OPTN: variants seen among roughly 807,000 people sequenced by gnomAD.
OPTN encodes optineurin.
OPTN carries 54 observed loss-of-function variants against 70.4 expected under a neutral mutation model. The ratio of observed to expected loss-of-function variants is 0.77; its 90% confidence interval spans 0.62 to 0.96. OPTN has a LOEUF of 0.96. Among genes scored for constraint, OPTN ranks in the 40% least tolerant of loss-of-function variants. The pLI, the probability that OPTN is intolerant of heterozygous loss-of-function variation, is 0.00. For missense variants in OPTN, 624 were observed against 673.2 expected (o/e 0.93, Z 0.81); for synonymous variants, 256 against 248.5 (o/e 1.03, Z -0.28).
chr10:13,115,221 TTA>T lies in OPTN; in HGVS notation c.553-1039_553-1038del, dbSNP rs1425535105. On this transcript the variant is annotated intron_variant, in intron 5 of 14. Transcript: ENST00000378747. The stretch of plus-strand genomic sequence containing the variant: ...GATATATCTATATTTATATATATAT[TTA>T]TATATAGATATATCTATATATATCT... Among the ~76,000 whole-genome samples, 3 of 37,176 alleles carry T rather than the reference TTA, an allele frequency of 8.1e-5. No individual in the cohort carries two copies. The South Asian group carries it at 3.1e-3, about 38-fold the overall frequency. The allele number at this position is 37,176 out of a possible 152,430, so 24.4% of individuals were successfully genotyped here.
intron 1 of OPTN, among the ~76,000 whole-genome samples, chr10:13,105,678 A>T (rs1193886096): frequency 6.6e-6 from 1 of 152,096 alleles, no homozygotes; most frequent in Non-Finnish European, 1.5e-5. Context: ...GGAGGCTGAG[A>T]TGGGTGGATC....
chr10:13,133,518 A>T lies in OPTN; in HGVS notation c.1549A>T (p.Met517Leu). 6.2e-7 allele frequency: 1 copy of T among 1,614,084 alleles called. No homozygotes were observed. The highest frequency in any genetic ancestry group is 8.5e-7 in the Non-Finnish European group (1 of 1,180,002). The change falls in exon 14 of 15, where the codon ATG (methionine) becomes TTG (leucine). Residue 517 changes from methionine (M) to leucine (L), a missense_variant. Transcript: ENST00000378747. ...EDGGRQSLME[M>L]QSRHGARTSD... ...TCCTGGCAGGCAGTCCTTGATGGAG[A>T]TGCAGAGTCGTCATGGGGCGAGAAC... is the stretch of plus-strand genomic sequence containing the variant.
intron 12 of OPTN, among the ~76,000 whole-genome samples, chr10:13,128,626 T>A (rs1833525736): frequency 6.8e-6 from 1 of 147,408 alleles, no homozygotes; most frequent in Non-Finnish European, 1.5e-5. Context: ...CATTGCAACC[T>A]CTGCCTCCTG....
chr10:13,125,600 G>A (rs1178058829), intron 10 of OPTN, 33 bp downstream of exon 10: 3 of 1,612,498 alleles, frequency 1.9e-6, no homozygotes, highest in East Asian at 2.2e-5. Context: ...GCAGCGACGG[G>A]GCAGAGGAGG....
chr10:13,133,376 G>C (rs1833632115), intron 13 of OPTN, 126 bp from the exon 14 acceptor site: 3 of 783,192 alleles, frequency 3.8e-6, no homozygotes. Context: ...AATTAGTCTG[G>C]TTTTTATGAA....
At chr10:13,102,922 G>T (rs1165825927) in intron 1 of OPTN, among the ~76,000 whole-genome samples, 1 of 150,568 alleles carries the variant, frequency 6.6e-6, no homozygotes, top group East Asian at 2.0e-4. Flanking sequence ...TAGCCTGGGC[G>T]ACAGAGTGAG....
intron 12 of OPTN, among the ~76,000 whole-genome samples, chr10:13,130,051 C>T (rs1273555190): frequency 6.6e-6 from 1 of 152,196 alleles, no homozygotes; most frequent in African/African-American, 2.4e-5. Context: ...TATTTTTGCT[C>T]ATTCTAGACA....
At chr10:13,124,173 A>C in intron 9 of OPTN, 63 bp downstream of exon 9, 1 of 895,560 alleles carries the variant, frequency 1.1e-6, no homozygotes, top group Non-Finnish European at 1.8e-6. Context: ...GTATACTACT[A>C]TATAAAAACA....
At chr10:13,103,314 A>G (rs934167630) in intron 1 of OPTN, among the ~76,000 whole-genome samples, 1 of 152,202 alleles carries the variant, frequency 6.6e-6, no homozygotes, top group Admixed American at 6.5e-5. Flanking sequence ...GCAAGTTTTC[A>G]CTGTTTAAAA....
chr10:13,116,505 G>A (rs759975595), intron 6 of OPTN, 165 bp downstream of exon 6: 109 of 683,422 alleles, frequency 1.6e-4, no homozygotes, highest in Middle Eastern at 3.2e-4. Context: ...TAATGTTGCA[G>A]CTCAAACTGG....
At position 13,137,237 on chromosome 10, in the gene OPTN, C is replaced by T. The variant is rs1833719267; in HGVS notation, c.*371C>T. ...GCAGTTGCAGTGAGCCGAGACGACACCACTGCACTCCAGCCTGGGTGACAG... is the reference window on the plus strand; with the variant it reads ...GCAGTTGCAGTGAGCCGAGACGACATCACTGCACTCCAGCCTGGGTGACAG... On this transcript the variant is annotated 3_prime_UTR_variant, in exon 15 of 15. Transcript: ENST00000378747. 7.2e-5 allele frequency: 28 copies of T among 387,014 alleles called. No homozygotes were observed. The South Asian group carries it at 7.4e-4, about 10-fold the overall frequency. The allele number at this position is 387,014 out of a possible 1,614,324, so 24.0% of individuals were successfully genotyped here.
chr10:13,100,609 G>C (rs1832719954), intron 1 of OPTN, among the ~76,000 whole-genome samples: 1 of 152,198 alleles, frequency 6.6e-6, no homozygotes, highest in South Asian at 2.1e-4. Flanking sequence ...AGACTTGGAG[G>C]TGACGTCCTC....
intron 1 of OPTN, among the ~76,000 whole-genome samples, chr10:13,103,814 T>TG (rs893014554): frequency 6.6e-6 from 1 of 151,980 alleles, no homozygotes; most frequent in African/African-American, 2.4e-5. Context: ...CTAGGGGACT[T>TG]GCTTTTGGCC....
rs996322362 is a variant in OPTN at position 13,112,736 on chromosome 10, GA to G, written c.552+102del. ...TTCTTGTCAACACAAGCCAAGGATT[GA>G]GGAAATTCCAGTGTAGCAAAGATAA... is the stretch of plus-strand genomic sequence containing the variant. On this transcript the variant is annotated intron_variant, in intron 5 of 14. Transcript: ENST00000378747. 1.7e-5 allele frequency: 20 copies of G among 1,188,120 alleles called. No homozygotes were observed. The Admixed American group carries it at 3.5e-4, about 21-fold the overall frequency. 73.6% of individuals were successfully genotyped at this position (1,188,120 alleles called of 1,614,324 possible).
At chr10:13,117,926 C>G (rs1352231509) in intron 6 of OPTN, among the ~76,000 whole-genome samples, 1 of 152,132 alleles carries the variant, frequency 6.6e-6, no homozygotes, top group Admixed American at 6.5e-5. Context: ...GAAAGTAATT[C>G]CCTTTTTTGG....
At position 13,108,244 on chromosome 10, in the gene OPTN, A is replaced by C. The variant is rs2131478524; in HGVS notation, c.-57A>C. Reference sequence around the variant, plus strand: ...GAAACAGCTGCCTGGTTCAGCATTAATGAAGATTAGTCAGTGACAGGCCTG... The same window carrying C: ...GAAACAGCTGCCTGGTTCAGCATTACTGAAGATTAGTCAGTGACAGGCCTG... On this transcript the variant is annotated 5_prime_UTR_variant, in exon 2 of 15. An upstream start codon of the reference 5' UTR is lost. Transcript: ENST00000378747. The C allele has an allele frequency of 6.6e-6, 1 of 152,332 alleles. No individual in the cohort carries two copies. The highest frequency in any genetic ancestry group is 1.9e-4 in the East Asian group (1 of 5,186). 9.4% of individuals were successfully genotyped at this position (152,332 alleles called of 1,614,324 possible). A position where few individuals can be genotyped will look rare whatever the true frequency, so the allele number is the denominator to read the frequency against.
At chr10:13,124,212 G>A in intron 9 of OPTN, 102 bp downstream of exon 9, 1 of 680,484 alleles carries the variant, frequency 1.5e-6, no homozygotes, top group Admixed American at 2.6e-5. Context: ...ATGACTAAAA[G>A]AAAAATAGAC....
chr10:13,112,482 G>C lies in OPTN; in HGVS notation c.399G>C (p.Arg133Ser). The C allele has an allele frequency of 6.2e-7, 1 of 1,613,930 alleles. No homozygotes were observed. The highest frequency in any genetic ancestry group is 1.7e-5 in the Admixed American group (1 of 59,990). Residue 133 changes from arginine (R) to serine (S), a missense_variant, in exon 5 of 15, where the codon AGG (arginine) becomes AGC (serine). Arg to Ser is a moderately radical substitution (Grantham distance 110). Transcript: ENST00000378747. Reference protein sequence around the residue: ...EDPTDDSRLPRAEAEQEKDQL... With the variant: ...EDPTDDSRLPSAEAEQEKDQL... Reference sequence around the variant, plus strand: ...CCACTGATGACTCCAGGCTTCCCAGGGCCGAAGCGGAGCAGGAAAAGGACC... The same window carrying C: ...CCACTGATGACTCCAGGCTTCCCAGCGCCGAAGCGGAGCAGGAAAAGGACC...
intron 1 of OPTN, among the ~76,000 whole-genome samples, chr10:13,107,924 C>A (rs1832903392): frequency 1.3e-5 from 2 of 152,106 alleles, no homozygotes; most frequent in Admixed American, 6.6e-5. Context: ...AACATGTTTG[C>A]CTGGGTGGTT....
Sources: gnomAD v4.1 joint callset for allele counts (sites outside exome capture counted in the v4.1 genomes callset) on GRCh38, gnomAD v4.1.1 for gene constraint, MANE v1.5 for transcripts, NCBI Gene and HGNC (gene_info 2026-07-23, HGNC 2026-07-21) for gene names.